The following RPS3 variants were observed in gnomAD, a reference collection of about 807,000 sequenced individuals.
RPS3 encodes the protein small ribosomal subunit protein uS3.
A neutral mutation model predicts 25.8 loss-of-function variants in RPS3; 2 were observed. The ratio of observed to expected loss-of-function variants is 0.08; its 90% CI spans 0.03 to 0.24. The LOEUF is 0.24. Ranked by LOEUF, RPS3 falls within the 10% of genes least tolerant of loss-of-function variation. The pLI is 1.00. For missense variants in RPS3, 107 were observed against 307.1 expected, an observed-to-expected ratio of 0.35 and a Z score of 4.87; for synonymous variants, 114 against 114.2, an observed-to-expected ratio of 1.00 and a Z score of 0.01.
intron 6 of RPS3, among the ~76,000 whole-genome samples, chr11:75,416,459 T>A (rs1948399577): frequency 1.9e-5 from 1 of 52,066 alleles, no homozygotes; most frequent in Admixed American, 1.6e-4. Context: ...TGATTATTTC[T>A]ATTTTTTTTT....
chr11:75,401,148 C>G (rs1369265283), intron 2 of RPS3, among the ~76,000 whole-genome samples: 1 of 152,174 alleles, frequency 6.6e-6, no homozygotes. Flanking sequence ...TCCCAAAGTG[C>G]TGGGATTACA....
intron 6 of RPS3, among the ~76,000 whole-genome samples, chr11:75,420,037 G>A (rs1948429797): frequency 1.3e-5 from 2 of 152,226 alleles, no homozygotes; most frequent in Non-Finnish European, 2.9e-5. Context: ...TGGCTTCTGA[G>A]GGTATACCAC....
Position 75,401,635 on chromosome 11 carries a change from C to G in RPS3, c.162-5C>G, listed in dbSNP as rs765860667. 1.1e-5 allele frequency: 17 copies of G among 1,597,002 alleles called. No individual in the cohort carries two copies. Among genetic ancestry groups the G allele is most frequent in the Non-Finnish European group, 1.3e-5 (15 of 1,164,414 alleles). ...GAATCTTGAATTGTCACTTTTCCCCCCCAGAACACAGAATGTTCTTGGTGA... is the reference window on the plus strand; with the variant it reads ...GAATCTTGAATTGTCACTTTTCCCCGCCAGAACACAGAATGTTCTTGGTGA... On this transcript the variant is annotated splice_polypyrimidine_tract_variant and splice_region_variant and intron_variant, in intron 2 of 6. Coordinates refer to ENST00000531188, the MANE Select transcript of RPS3 (RefSeq NM_001005.5).
rs755628828 is a variant in RPS3, at chr11:75,400,808, A to G, written c.145A>G (p.Ile49Val). ...VRVTPTRTEI[I>V]ILATRTQNVL... The stretch of plus-strand genomic sequence containing the variant: ...AGTTACACCAACCAGGACAGAAATC[A>G]TTATCTTAGCCACCAGGTAAAACTC... The change falls in exon 2 of 7, where the codon ATT (isoleucine) becomes GTT (valine). Residue 49 changes from isoleucine (I) to valine (V), a missense_variant. Ile to Val is a conservative substitution (Grantham distance 29). Around this residue, in one of 2 missense-constraint regions of RPS3, gnomAD observed 81 missense variants for 286.8 expected, o/e 0.28. Coordinates refer to ENST00000531188, the MANE Select transcript of RPS3 (RefSeq NM_001005.5). 1 of 1,612,118 alleles carries G rather than the reference A, an allele frequency of 6.2e-7. No individual in the cohort carries two copies. The highest frequency in any genetic ancestry group is 8.5e-7 in the Non-Finnish European group (1 of 1,179,488).
At chr11:75,418,748 C>CTAGG (rs1948421364) in intron 6 of RPS3, among the ~76,000 whole-genome samples, 1 of 152,226 alleles carries the variant, frequency 6.6e-6, no homozygotes, top group Non-Finnish European at 1.5e-5. Context: ...CCTAGTAGCT[C>CTAGG]TGAAATTCAA....
chr11:75,421,099 G>T (rs751869841), intron 6 of RPS3, among the ~76,000 whole-genome samples: 1 of 152,158 alleles, frequency 6.6e-6, no homozygotes, highest in Non-Finnish European at 1.5e-5. Flanking sequence ...GTGGGCGCAG[G>T]CAGGCTAACT....
intron 2 of RPS3, among the ~76,000 whole-genome samples, chr11:75,401,068 G>T (rs1217617345): frequency 6.6e-6 from 1 of 152,130 alleles, no homozygotes; most frequent in Non-Finnish European, 1.5e-5. Flanking sequence ...GTTTTTAGTA[G>T]AGTTGGGGTT....
chr11:75,405,460 ATTT>A (rs34828342), intron 6 of RPS3, 151 bp from the exon 7 acceptor site: 2 of 297,286 alleles, frequency 6.7e-6, no homozygotes, highest in Admixed American at 4.5e-5. Flanking sequence ...GGTGCCTTGT[ATTT>A]TTTTTTTTTA....
downstream of RPS3, among the ~76,000 whole-genome samples, chr11:75,411,491 G>A (rs1049224318): frequency 1.3e-5 from 2 of 152,050 alleles, no homozygotes; most frequent in East Asian, 1.9e-4. Flanking sequence ...CTGGCTTCAC[G>A]ACATTCTCCT....
intron 6 of RPS3, among the ~76,000 whole-genome samples, chr11:75,416,806 A>C (rs552149344): frequency 8.5e-5 from 13 of 152,322 alleles, no homozygotes; most frequent in Admixed American, 2.0e-4. Context: ...ATTTCAAAGT[A>C]GGGCCTGCCA....
At chr11:75,413,165 T>G (rs1430983334) in intron 6 of RPS3, among the ~76,000 whole-genome samples, 1 of 152,198 alleles carries the variant, frequency 6.6e-6, no homozygotes, top group Middle Eastern at 3.2e-3. Flanking sequence ...AATCAGCCCC[T>G]CTCCCACTGC....
chr11:75,416,510 G>GT (rs1417474086), intron 6 of RPS3, among the ~76,000 whole-genome samples: 2 of 146,510 alleles, frequency 1.4e-5, no homozygotes, highest in African/African-American at 5.1e-5. Flanking sequence ...TTAGGCTGGA[G>GT]TACAGTGGCA....
Position 75,402,211 on chromosome 11 carries a change from G to GC in RPS3, c.256-139dup. 4 of 1,250,328 alleles carry GC rather than the reference G, an allele frequency of 3.2e-6. No individual in the cohort carries two copies. In the South Asian group the frequency reaches 5.4e-5, roughly 17 times the overall value. 77.5% of individuals were successfully genotyped at this position (1,250,328 alleles called of 1,614,324 possible). ...GAATTTGTGTTGGGCCACAATCAAA[G>GC]CCATCTCCTGGGCAGCATGCGGCCC... On this transcript the variant is annotated intron_variant, in intron 3 of 6. Transcript: ENST00000531188.
chr11:75,399,892 C>T (rs187265553), intron 1 of RPS3: 96 of 493,142 alleles, frequency 1.9e-4, no homozygotes, highest in African/African-American at 9.2e-4. Flanking sequence ...GTGTCATTTC[C>T]CTCATGTCTT....
At chr11:75,399,608 G>A in intron 1 of RPS3, 31 bp downstream of exon 1, 1 of 1,606,664 alleles carries the variant, frequency 6.2e-7, no homozygotes, top group Non-Finnish European at 8.5e-7. Context: ...TTCGGAGAAC[G>A]ACGGCGCCGC....
At chr11:75,402,695 C>G (rs1948229543) in intron 4 of RPS3, 1 of 301,228 alleles carries the variant, frequency 3.3e-6, no homozygotes, top group Admixed American at 4.6e-5. Flanking sequence ...GAGTTAAACA[C>G]AAATAGAACT....
At chr11:75,402,169 C>CA in intron 3 of RPS3, 183 bp from the exon 4 acceptor site, 1 of 857,346 alleles carries the variant, frequency 1.2e-6, no homozygotes, top group African/African-American at 1.7e-5. Context: ...ACTGGTAGCG[C>CA]AAAAAATCAC....
At chr11:75,420,588 T>G (rs1948434908) in intron 6 of RPS3, among the ~76,000 whole-genome samples, 1 of 152,262 alleles carries the variant, frequency 6.6e-6, no homozygotes, top group Non-Finnish European at 1.5e-5. Context: ...AGTCTCTGTT[T>G]CCTCATTTGT....
At chr11:75,400,269 A>G (rs188390023) in intron 1 of RPS3, 479 of 437,688 alleles carry the variant, frequency 1.1e-3, no homozygotes, top group Non-Finnish European at 1.8e-3. Context: ...GAGAGAGCTT[A>G]TATGTTAAGT....
Sources: allele counts gnomAD v4.1 joint callset (sites outside exome capture counted in the v4.1 genomes callset), GRCh38; gene constraint gnomAD v4.1.1; regional missense constraint gnomAD v4.1.1; transcripts MANE v1.5; gene names NCBI Gene and HGNC (gene_info 2026-07-23, HGNC 2026-07-21).